The following GPATCH2 variants were observed in gnomAD, a reference collection of about 807,000 sequenced individuals.
The protein encoded by GPATCH2 is G-patch domain containing 2, also known as G patch domain-containing protein 2.
In GPATCH2, 51 loss-of-function variants were observed where a neutral mutation model predicts 58.0. The observed-to-expected ratio is 0.88, with a 90% confidence interval of 0.70 to 1.11. The LOEUF (loss-of-function observed/expected upper bound fraction) is 1.11, where lower values mean the gene tolerates loss of function less well. Ranked by LOEUF, GPATCH2 falls within the 50% of genes most tolerant of loss-of-function variation. The probability of loss-of-function intolerance (pLI) is 0.00; values close to 1 mark genes in which losing one functional copy is unlikely to be tolerated. For synonymous variants in GPATCH2, 222 were observed against 218.5 expected (o/e 1.02, Z -0.14); for missense variants, 625 against 652.2 (o/e 0.96, Z 0.45).
At position 217,514,843 on chromosome 1, in the gene GPATCH2, G is replaced by GA; in HGVS notation, c.1144dup (p.Ser382PhefsTer8). ...TCACTCATGGTGATGAGAATCCGGG[G>GA]AAAAATGAACCATTCTCTTGTTACC... is the stretch of plus-strand genomic sequence containing the variant. On this transcript the variant is annotated frameshift_variant, in exon 6 of 10. Coordinates refer to ENST00000366935, the MANE Select transcript of GPATCH2 (RefSeq NM_018040.5). LOFTEE classifies it high-confidence loss of function. 2 of 1,523,720 alleles carry GA rather than the reference G, an allele frequency of 1.3e-6. No homozygotes were observed. Among genetic ancestry groups the GA allele is most frequent in the Non-Finnish European group, 1.8e-6 (2 of 1,097,948 alleles). The allele number at this position is 1,523,720 out of a possible 1,614,324, so 94.4% of individuals were successfully genotyped here.
chr1:217,440,704 C>T (rs1007726601), intron 9 of GPATCH2, among the ~76,000 whole-genome samples: 1 of 152,060 alleles, frequency 6.6e-6, no homozygotes, highest in African/African-American at 2.4e-5. Flanking sequence ...ACAAGCATTC[C>T]TATACACCAA....
intron 8 of GPATCH2, among the ~76,000 whole-genome samples, chr1:217,478,666 G>A: frequency 6.6e-6 from 1 of 150,828 alleles, no homozygotes; most frequent in East Asian, 1.9e-4. Flanking sequence ...AGAGTAATTG[G>A]CCTTAAAAAG....
chr1:217,429,189 C>CG lies in GPATCH2; in HGVS notation c.*1955dup, dbSNP rs1255812133. The CG allele has an allele frequency of 6.6e-6, 1 of 152,008 alleles. No homozygotes were observed. Among genetic ancestry groups the CG allele is most frequent in the Admixed American group, 6.6e-5 (1 of 15,264 alleles). 9.4% of individuals were successfully genotyped at this position (152,008 alleles called of 1,614,324 possible). A position where few individuals can be genotyped will look rare whatever the true frequency, so the allele number is the denominator to read the frequency against. On this transcript the variant is annotated 3_prime_UTR_variant, in exon 10 of 10. Coordinates refer to ENST00000366935, the MANE Select transcript of GPATCH2 (RefSeq NM_018040.5). ...TTAAAACTTGTATATAATCTCCCCCCGGCTACATAGACAGAATGAGCATTT... is the reference window on the plus strand; with the variant it reads ...TTAAAACTTGTATATAATCTCCCCCCGGGCTACATAGACAGAATGAGCATTT...
chr1:217,557,134 C>T (rs900074856), intron 5 of GPATCH2, among the ~76,000 whole-genome samples: 3 of 152,062 alleles, frequency 2.0e-5, no homozygotes, highest in African/African-American at 7.2e-5. Context: ...TGGCCGGGTG[C>T]GGTGGTTCAC....
rs1463910405 is a variant in GPATCH2 at position 217,584,344 on chromosome 1, A to AAAAAAAAAAAAAAATATATATATATAT, written c.1098+25976_1098+25977insATATATATATATATTTTTTTTTTTTTT. Among the ~76,000 whole-genome samples the AAAAAAAAAAAAAAATATATATATATAT allele has an allele frequency of 4.5e-4, 46 of 101,738 alleles. No individual in the cohort carries two copies. The East Asian group carries it at 4.9e-3, about 11-fold the overall frequency. The allele number at this position is 101,738 out of a possible 152,430, so 66.7% of individuals were successfully genotyped here. On this transcript the variant is annotated intron_variant, in intron 5 of 9. Coordinates refer to ENST00000366935, the MANE Select transcript of GPATCH2 (RefSeq NM_018040.5). ...CTCACCTCTACTAAAAAAAAAAAAA[A>AAAAAAAAAAAAAAATATATATATATAT]ATATATATATATATATATATACACA...
At chr1:217,482,619 A>T (rs967545612) in intron 8 of GPATCH2, among the ~76,000 whole-genome samples, 1 of 152,208 alleles carries the variant, frequency 6.6e-6, no homozygotes. Context: ...GGTGAGTCAC[A>T]TCACATATAG....
At position 217,427,114 on chromosome 1, in the gene GPATCH2, C is replaced by A. The variant is rs1658370654; in HGVS notation, c.*4031G>T. The stretch of plus-strand genomic sequence containing the variant: ...TGTCCAAGCAGCTTTATGAGAGGCA[C>A]AACTTTCCAAAAGGAAATGGAGTGA... On this transcript the variant is annotated 3_prime_UTR_variant, in exon 10 of 10. Transcript: ENST00000366935. 1 of 152,130 alleles carries A rather than the reference C, an allele frequency of 6.6e-6. No individual in the cohort carries two copies. The highest frequency in any genetic ancestry group is 1.5e-5 in the Non-Finnish European group (1 of 68,018). 9.4% of individuals were successfully genotyped at this position (152,130 alleles called of 1,614,324 possible).
rs1216244253 is a variant in GPATCH2 at position 217,620,361 on chromosome 1, T to C, written c.195A>G (p.Ala65=). 1.2e-6 allele frequency: 2 copies of C among 1,614,100 alleles called. No homozygotes were observed. The highest frequency in any genetic ancestry group is 2.2e-5 in the East Asian group (1 of 44,870). Residue 65 remains alanine, a synonymous_variant, in exon 2 of 10, where the codon GCA becomes GCG. Transcript: ENST00000366935. The part of the protein sequence containing the change: ...RSISCPLKRQ[A]RKRRGRKRRS... ...TCCGTTTTCTCCCTCTCCTTTTCCT[T>C]GCCTGGCGTTTCAGAGGGCAAGATA...
intron 5 of GPATCH2, among the ~76,000 whole-genome samples, chr1:217,593,205 GA>G (rs1250937978): frequency 6.6e-6 from 1 of 151,868 alleles, no homozygotes; most frequent in African/African-American, 2.4e-5. Flanking sequence ...AATCAAAAGA[GA>G]AAACATTAGA....
chr1:217,472,592 G>A lies in GPATCH2; in HGVS notation c.1277+19088C>T, dbSNP rs192332889. On this transcript the variant is annotated intron_variant, in intron 8 of 9. Coordinates refer to ENST00000366935, the MANE Select transcript of GPATCH2 (RefSeq NM_018040.5). ...GCTGGGATTACAGGCGTGAGCCACC[G>A]TGCCCAGTCCAACAGACTTTCAATT... is the stretch of plus-strand genomic sequence containing the variant. Among the ~76,000 whole-genome samples, 6 of 152,172 alleles carry A rather than the reference G, an allele frequency of 3.9e-5. No homozygotes were observed. In the South Asian group the frequency reaches 8.3e-4, roughly 21 times the overall value.
At chr1:217,596,107 A>T (rs1667815917) in intron 5 of GPATCH2, among the ~76,000 whole-genome samples, 1 of 152,144 alleles carries the variant, frequency 6.6e-6, no homozygotes, top group Non-Finnish European at 1.5e-5. Flanking sequence ...GAATTGATAG[A>T]AGGAAGGATG....
rs1339839323 is a variant in GPATCH2, at chr1:217,524,798, C to G, written c.1099-9909G>C. 8.9e-5 allele frequency among the ~76,000 whole-genome samples: 12 copies of G among 135,198 alleles called. 1 individual carries two copies. The highest frequency in any genetic ancestry group is 3.2e-4 in the African/African-American group (12 of 37,390). 88.7% of individuals were successfully genotyped at this position (135,198 alleles called of 152,430 possible). A position where few individuals can be genotyped will look rare whatever the true frequency, so the allele number is the denominator to read the frequency against. On this transcript the variant is annotated intron_variant, in intron 5 of 9. Transcript: ENST00000366935. ...ATCAGGCAGGGAGGTTGCAGTGAGC[C>G]GAGATGGCAGCAGTACAGTCCAGCT...
intron 8 of GPATCH2, among the ~76,000 whole-genome samples, chr1:217,477,638 C>T (rs574741160): frequency 4.8e-4 from 73 of 152,198 alleles, no homozygotes; most frequent in African/African-American, 1.7e-3. Flanking sequence ...GATCCTCTGC[C>T]TTTGGAAAAG....
At chr1:217,492,266 T>G (rs1427273360) in intron 7 of GPATCH2, among the ~76,000 whole-genome samples, 2 of 152,202 alleles carry the variant, frequency 1.3e-5, no homozygotes, top group African/African-American at 4.8e-5. Flanking sequence ...GAAACACGCT[T>G]AAAACATTCT....
chr1:217,571,703 CAAAAAAA>C (rs11463536), intron 5 of GPATCH2, among the ~76,000 whole-genome samples: 4 of 73,818 alleles, frequency 5.4e-5, no homozygotes, highest in African/African-American at 1.1e-4. Flanking sequence ...AAAACGAAAC[CAAAAAAA>C]AAAAAAAAAA....
intron 5 of GPATCH2, among the ~76,000 whole-genome samples, chr1:217,591,665 A>T (rs2102768717): frequency 6.6e-6 from 1 of 152,272 alleles, no homozygotes; most frequent in East Asian, 1.9e-4. Context: ...GTTAGTCTAC[A>T]CTATTGACAG....
chr1:217,610,265 C>T, intron 5 of GPATCH2, 56 bp downstream of exon 5: 1 of 1,492,088 alleles, frequency 6.7e-7, no homozygotes, highest in African/African-American at 1.4e-5. Flanking sequence ...GCTTTTTATT[C>T]CATAGAAATG....
At chr1:217,621,795 ATT>A (rs1669203915) in intron 1 of GPATCH2, among the ~76,000 whole-genome samples, 1 of 152,200 alleles carries the variant, frequency 6.6e-6, no homozygotes, top group South Asian at 2.1e-4. Flanking sequence ...AACAACACAC[ATT>A]GTGATTCAAC....
chr1:217,487,702 G>A (rs1204593339), intron 8 of GPATCH2, among the ~76,000 whole-genome samples: 2 of 151,968 alleles, frequency 1.3e-5, no homozygotes, highest in African/African-American at 4.8e-5. Context: ...TGGGATTGCA[G>A]GCATGAGCCA....
Sources: gnomAD v4.1 joint callset for allele counts (sites outside exome capture counted in the v4.1 genomes callset) on GRCh38, gnomAD v4.1.1 for gene constraint, MANE v1.5 for transcripts, NCBI Gene and HGNC (gene_info 2026-07-23, HGNC 2026-07-21) for gene names.